The following ADGRL3 variants were observed in gnomAD, a reference collection of about 807,000 sequenced individuals.
ADGRL3 encodes adhesion G protein-coupled receptor L3, also known as calcium-independent alpha-latrotoxin receptor 3.
ADGRL3 carries 62 observed loss-of-function variants against 153.5 expected under a neutral mutation model. That is an observed-to-expected ratio of 0.40 (90% CI 0.33 to 0.50). The LOEUF is 0.50. Ranked by LOEUF, ADGRL3 falls within the 20% of genes least tolerant of loss-of-function variation. The pLI, the probability that ADGRL3 is intolerant of heterozygous loss-of-function variation, is 0.47. For synonymous variants in ADGRL3, 710 were observed against 672.5 expected (o/e 1.06, Z -0.86); for missense variants, 1,641 against 1,859.4 (o/e 0.88, Z 2.16).
intron 9 of ADGRL3, among the ~76,000 whole-genome samples, chr4:61,841,305 C>T (rs1482534143): frequency 8.0e-6 from 1 of 125,516 alleles, no homozygotes; most frequent in Non-Finnish European, 1.5e-5. Flanking sequence ...AAGCTGGAGG[C>T]TCACGTATTT....
At chr4:61,998,063 A>G in intron 20 of ADGRL3, 111 bp from the exon 21 acceptor site, 1 of 484,796 alleles carries the variant, frequency 2.1e-6, no homozygotes, top group Non-Finnish European at 3.7e-6. Context: ...AATTCCTTTA[A>G]AAGTGTAGTG....
chr4:61,557,658 G>A (rs904614732), intron 4 of ADGRL3, among the ~76,000 whole-genome samples: 2 of 152,088 alleles, frequency 1.3e-5, no homozygotes, highest in African/African-American at 2.4e-5. Context: ...AAGTGCTTTA[G>A]GTCTCCAGAG....
intron 1 of ADGRL3, among the ~76,000 whole-genome samples, chr4:61,245,691 G>T (rs1256092386): frequency 1.3e-5 from 2 of 152,094 alleles, no homozygotes; most frequent in South Asian, 2.1e-4. Context: ...AATGCAGTTT[G>T]CAAGAGGGGC....
At chr4:61,379,218 A>C (rs770812098) in intron 1 of ADGRL3, among the ~76,000 whole-genome samples, 1 of 152,030 alleles carries the variant, frequency 6.6e-6, no homozygotes, top group Non-Finnish European at 1.5e-5. Flanking sequence ...GGATTTGACC[A>C]TCATAAGTAA....
intron 1 of ADGRL3, among the ~76,000 whole-genome samples, chr4:61,264,450 A>G (rs1418631586): frequency 6.6e-6 from 1 of 152,054 alleles, no homozygotes; most frequent in Admixed American, 6.6e-5. Flanking sequence ...ACATTATAAA[A>G]TAGGTTTTTG....
At chr4:61,776,729 T>A (rs541714346) in intron 8 of ADGRL3, among the ~76,000 whole-genome samples, 1 of 152,184 alleles carries the variant, frequency 6.6e-6, no homozygotes, top group East Asian at 1.9e-4. Context: ...ATTAAATGTA[T>A]CTGTGATGAA....
intron 21 of ADGRL3, among the ~76,000 whole-genome samples, chr4:62,013,886 CA>C (rs951990466): frequency 1.1e-4 from 13 of 121,240 alleles, no homozygotes; most frequent in African/African-American, 2.2e-4. Flanking sequence ...GATTCTGTCT[CA>C]AAAAAAAAAA....
intron 17 of ADGRL3, among the ~76,000 whole-genome samples, chr4:61,948,573 T>C (rs1036756973): frequency 1.3e-5 from 2 of 152,138 alleles, no homozygotes; most frequent in African/African-American, 4.8e-5. Flanking sequence ...CAGGGTAAGA[T>C]AGGACTCCAG....
At position 61,636,643 on chromosome 4, in the gene ADGRL3, T is replaced by C. The variant is rs1035130070; in HGVS notation, c.474-40183T>C. Among the ~76,000 whole-genome samples the C allele has an allele frequency of 3.3e-5, 5 of 151,902 alleles. No homozygotes were observed. In the East Asian group the frequency reaches 9.7e-4, roughly 29 times the overall value. On this transcript the variant is annotated intron_variant, in intron 5 of 26. Coordinates refer to ENST00000683033, the MANE Select transcript of ADGRL3 (RefSeq NM_001387552.1). Reference sequence around the variant, plus strand: ...AAAAAGAAATGTTACCAGATACGTATGTAGTGATCTTTGAGTTGAAGAACA... The same window carrying C: ...AAAAAGAAATGTTACCAGATACGTACGTAGTGATCTTTGAGTTGAAGAACA...
chr4:61,525,553 C>T (rs961576347), intron 4 of ADGRL3, among the ~76,000 whole-genome samples: 2 of 151,988 alleles, frequency 1.3e-5, no homozygotes, highest in African/African-American at 4.8e-5. Flanking sequence ...TTAGAACCTG[C>T]TACAATTGTG....
chr4:61,563,173 T>C (rs2098802633), intron 4 of ADGRL3, among the ~76,000 whole-genome samples: 1 of 152,144 alleles, frequency 6.6e-6, no homozygotes, highest in Non-Finnish European at 1.5e-5. Flanking sequence ...TTAGCAGGCA[T>C]GAAAACAACA....
At chr4:61,259,781 C>G (rs896664495) in intron 1 of ADGRL3, among the ~76,000 whole-genome samples, 1 of 151,960 alleles carries the variant, frequency 6.6e-6, no homozygotes, top group African/African-American at 2.4e-5. Flanking sequence ...TATTCACTTT[C>G]ATTGGAAATC....
chr4:61,981,074 T>C (rs1397435229), intron 18 of ADGRL3, among the ~76,000 whole-genome samples: 3 of 152,208 alleles, frequency 2.0e-5, no homozygotes, highest in African/African-American at 7.2e-5. Flanking sequence ...CCAAAGTGGC[T>C]GTACCATTTT....
intron 1 of ADGRL3, among the ~76,000 whole-genome samples, chr4:61,283,353 G>T (rs1003096150): frequency 6.6e-6 from 1 of 152,020 alleles, no homozygotes; most frequent in Non-Finnish European, 1.5e-5. Context: ...CACAAAAATT[G>T]ATCCCTAAGA....
chr4:61,356,233 G>C (rs1442339638), intron 1 of ADGRL3, among the ~76,000 whole-genome samples: 3 of 151,930 alleles, frequency 2.0e-5, no homozygotes, highest in African/African-American at 7.2e-5. Flanking sequence ...TCTAGGTAAG[G>C]TTATAGATTT....
Position 61,513,266 on chromosome 4 carries a change from T to A in ADGRL3, c.56-4049T>A, listed in dbSNP as rs563673486. On this transcript the variant is annotated intron_variant, in intron 3 of 26. Coordinates refer to ENST00000683033, the MANE Select transcript of ADGRL3 (RefSeq NM_001387552.1). The stretch of plus-strand genomic sequence containing the variant: ...GTTAGAAACAGTACTTACTTAATTT[T>A]AAAAAAATTATAAATCAGTATTGAT... 7.2e-5 allele frequency among the ~76,000 whole-genome samples: 11 copies of A among 152,232 alleles called. No individual in the cohort carries two copies. The East Asian group carries it at 9.7e-4, about 13-fold the overall frequency.
At chr4:61,594,866 A>G (rs140229960) in intron 5 of ADGRL3, among the ~76,000 whole-genome samples, 144 of 152,200 alleles carry the variant, frequency 9.5e-4, no homozygotes, top group African/African-American at 3.4e-3. Flanking sequence ...TTCTGCAGCT[A>G]AGCTGGAACT....
intron 2 of ADGRL3, among the ~76,000 whole-genome samples, chr4:61,419,278 A>T (rs1578746989): frequency 6.6e-6 from 1 of 151,052 alleles, no homozygotes; most frequent in East Asian, 2.1e-4. Flanking sequence ...ACCAATTTCT[A>T]AATAAAGACC....
At chr4:61,582,270 C>T (rs2098929006) in intron 4 of ADGRL3, among the ~76,000 whole-genome samples, 1 of 151,958 alleles carries the variant, frequency 6.6e-6, no homozygotes, top group Non-Finnish European at 1.5e-5. Context: ...TTGTTTGCTG[C>T]ACCTATCAGC....
Sources: gnomAD v4.1 joint callset for allele counts (sites outside exome capture counted in the v4.1 genomes callset) on GRCh38, gnomAD v4.1.1 for gene constraint, MANE v1.5 for transcripts, NCBI Gene and HGNC (gene_info 2026-07-23, HGNC 2026-07-21) for gene names.